The following CRPPA variants were observed in gnomAD, a reference collection of about 807,000 sequenced individuals.
CRPPA encodes the protein CDP-L-ribitol pyrophosphorylase A.
In CRPPA, 43 loss-of-function variants were observed where a neutral mutation model predicts 52.0. The observed-to-expected ratio is 0.83, with a 90% CI of 0.65 to 1.07. CRPPA has a LOEUF of 1.07. Among genes scored for constraint, CRPPA ranks in the 50% least tolerant of loss-of-function variants. CRPPA has a pLI of 0.00. For synonymous variants in CRPPA, 250 were observed against 203.5 expected (o/e 1.23, Z -1.94); for missense variants, 629 against 551.7 (o/e 1.14, Z -1.40).
At position 16,216,197 on chromosome 7, in the gene CRPPA, C is replaced by A; in HGVS notation, c.1120G>T (p.Val374Phe). The change falls in exon 9 of 10, where the codon GTT becomes TTT. Residue 374 changes from valine (V) to phenylalanine (F), a missense_variant and splice_region_variant. Physicochemically the swap from Val to Phe is conservative, Grantham distance 50. Transcript: ENST00000407010. ...CILYPVVVVS[V>F]HFLDFKLVPP... is the part of the protein sequence containing the mutation. ...ACTAATTTAAAATCAAGAAAATGAA[C>A]CTGCAAAATATAAAAGACAGTATTT... 1 of 1,555,400 alleles carries A rather than the reference C, an allele frequency of 6.4e-7. No individual in the cohort carries two copies.
At chr7:16,266,932 CAT>C (rs1433425453) in intron 6 of CRPPA, among the ~76,000 whole-genome samples, 3 of 152,126 alleles carry the variant, frequency 2.0e-5, no homozygotes, top group Non-Finnish European at 1.5e-5. Context: ...GGCATTAACT[CAT>C]ATATCATGTT....
chr7:16,177,553 CAT>C (rs1781327972), intron 9 of CRPPA, among the ~76,000 whole-genome samples: 1 of 151,978 alleles, frequency 6.6e-6, no homozygotes, highest in Admixed American at 6.6e-5. Flanking sequence ...AACAAAAGAA[CAT>C]ACGTATATGT....
Position 16,216,125 on chromosome 7 carries a change from C to T in CRPPA, c.1192G>A (p.Ala398Thr), listed in dbSNP as rs762217429. 2 of 1,599,268 alleles carry T rather than the reference C, an allele frequency of 1.3e-6. No homozygotes were observed. The highest frequency in any genetic ancestry group is 2.7e-5 in the African/African-American group (2 of 74,462). Reference sequence around the variant, plus strand: ...ATATTTCTTTCTTTTACTTCCTTTGCAAATTCTCTAATCTGCATTAGGTTT... The same window carrying T: ...ATATTTCTTTCTTTTACTTCCTTTGTAAATTCTCTAATCTGCATTAGGTTT... The part of the protein sequence containing the change: ...MENLMQIREF[A>T]KEVKERNILL... Residue 398 changes from alanine (A) to threonine (T), a missense_variant, in exon 9 of 10, where the codon GCA becomes ACA. Ala to Thr is a moderately conservative substitution (Grantham distance 58, BLOSUM62 0). Coordinates refer to ENST00000407010, the MANE Select transcript of CRPPA (RefSeq NM_001101426.4).
Position 16,278,356 on chromosome 7 carries a change from A to G in CRPPA, c.836-130T>C, listed in dbSNP as rs1784253630. 5 of 606,938 alleles carry G rather than the reference A, an allele frequency of 8.2e-6. No homozygotes were observed. The African/African-American group carries it at 9.3e-5, about 11-fold the overall frequency. 37.6% of individuals were successfully genotyped at this position (606,938 alleles called of 1,614,324 possible). A position where few individuals can be genotyped will look rare whatever the true frequency, so the allele number is the denominator to read the frequency against. ...ATAGGGAGGTTTTGATTTCAGGCCA[A>G]GTGGAGTAATCTGTGTACACACTGA... On this transcript the variant is annotated intron_variant, in intron 5 of 9. Coordinates refer to ENST00000407010, the MANE Select transcript of CRPPA (RefSeq NM_001101426.4).
At position 16,088,502 on chromosome 7, in the gene CRPPA, C is replaced by G. The variant is rs1211936587; in HGVS notation, c.*3193G>C. The G allele has an allele frequency of 6.7e-6, 1 of 149,560 alleles. No homozygotes were observed. Among genetic ancestry groups the G allele is most frequent in the Non-Finnish European group, 1.5e-5 (1 of 67,794 alleles). The allele number at this position is 149,560 out of a possible 1,614,324, so 9.3% of individuals were successfully genotyped here. ...GCGCTATGTCGGCTCACTGCAAGCT[C>G]CGCCTCCCAGGTTGACGCCATTCTC... On this transcript the variant is annotated 3_prime_UTR_variant, in exon 10 of 10. Transcript: ENST00000407010.
At chr7:16,126,642 A>G (rs12536619) in intron 9 of CRPPA, among the ~76,000 whole-genome samples, 22,751 of 152,186 alleles carry the variant, frequency 0.15, 2,032 homozygotes, top group East Asian at 0.2. Flanking sequence ...ACTGAAAACT[A>G]AAAATATAAT....
At chr7:16,151,130 T>C (rs1219184282) in intron 9 of CRPPA, among the ~76,000 whole-genome samples, 2 of 152,190 alleles carry the variant, frequency 1.3e-5, no homozygotes, top group Non-Finnish European at 2.9e-5. Flanking sequence ...GATTCACTGG[T>C]AGACTGATAA....
At chr7:16,286,639 T>C (rs1025105402) in intron 5 of CRPPA, among the ~76,000 whole-genome samples, 5 of 152,178 alleles carry the variant, frequency 3.3e-5, no homozygotes, top group South Asian at 2.1e-4. Context: ...TTAATAACTA[T>C]AGCCTGTGTT....
At chr7:16,158,093 C>G (rs1464802789) in intron 9 of CRPPA, among the ~76,000 whole-genome samples, 1 of 150,254 alleles carries the variant, frequency 6.7e-6, no homozygotes, top group Non-Finnish European at 1.5e-5. Context: ...ACCATGTTGG[C>G]CAGGCTGATC....
At chr7:16,256,428 A>ATT (rs1478688313) in intron 8 of CRPPA, among the ~76,000 whole-genome samples, 1 of 152,202 alleles carries the variant, frequency 6.6e-6, no homozygotes, top group Non-Finnish European at 1.5e-5. Flanking sequence ...CACCCAAAGG[A>ATT]TTATAAATCA....
chr7:16,398,033 A>C (rs1020004009), intron 2 of CRPPA, among the ~76,000 whole-genome samples: 3 of 152,390 alleles, frequency 2.0e-5, no homozygotes, highest in Middle Eastern at 6.8e-3. Flanking sequence ...TCAACACGTA[A>C]TCAACATGTG....
At chr7:16,398,439 GGTTT>G (rs1787680336) in intron 2 of CRPPA, among the ~76,000 whole-genome samples, 1 of 152,010 alleles carries the variant, frequency 6.6e-6, no homozygotes, top group Non-Finnish European at 1.5e-5. Context: ...ACGTGACCGA[GGTTT>G]GTGACACGTG....
At chr7:16,124,172 T>C (rs73056326) in intron 9 of CRPPA, among the ~76,000 whole-genome samples, 1 of 151,386 alleles carries the variant, frequency 6.6e-6, no homozygotes, top group Admixed American at 6.6e-5. Context: ...CAATTTACAT[T>C]CCCACCAATG....
At chr7:16,220,930 A>G (rs1455567098) in intron 8 of CRPPA, among the ~76,000 whole-genome samples, 2 of 152,138 alleles carry the variant, frequency 1.3e-5, no homozygotes. Context: ...TCTTCACAGA[A>G]TTGGAAAAAA....
At chr7:16,275,262 AAGCCTTTGT>A (rs1475665094) in intron 6 of CRPPA, among the ~76,000 whole-genome samples, 1 of 152,218 alleles carries the variant, frequency 6.6e-6, no homozygotes, top group Non-Finnish European at 1.5e-5. Flanking sequence ...AAACTAGGAG[AAGCCTTTGT>A]AGGCTTTAAT....
chr7:16,232,889 C>G (rs1459767382), intron 8 of CRPPA, among the ~76,000 whole-genome samples: 1 of 151,950 alleles, frequency 6.6e-6, no homozygotes, highest in Non-Finnish European at 1.5e-5. Flanking sequence ...ACAAAACCAA[C>G]CCAACTGACA....
chr7:16,393,705 C>CAA (rs1787498084), intron 2 of CRPPA, among the ~76,000 whole-genome samples: 1 of 151,894 alleles, frequency 6.6e-6, no homozygotes, highest in Non-Finnish European at 1.5e-5. Context: ...TAAACGAAGA[C>CAA]ATTAGTGATT....
chr7:16,127,505 G>C (rs1782602734), intron 9 of CRPPA, among the ~76,000 whole-genome samples: 1 of 152,082 alleles, frequency 6.6e-6, no homozygotes, highest in African/African-American at 2.4e-5. Context: ...AACAATGTGA[G>C]CTTTCCTATG....
At chr7:16,222,440 A>G (rs186527385) in intron 8 of CRPPA, among the ~76,000 whole-genome samples, 224 of 150,136 alleles carry the variant, frequency 1.5e-3, no homozygotes, top group African/African-American at 5.5e-3. Flanking sequence ...AACTTAAAGT[A>G]TAATTAAAAA....
Sources: gnomAD v4.1 joint callset for allele counts (sites outside exome capture counted in the v4.1 genomes callset) on GRCh38, gnomAD v4.1.1 for gene constraint, MANE v1.5 for transcripts, NCBI Gene and HGNC (gene_info 2026-07-23, HGNC 2026-07-21) for gene names.